SMAD2: variants seen among roughly 807,000 people sequenced by gnomAD.
The protein encoded by SMAD2 is MAD homolog 2.
Under a neutral mutation model 64.4 loss-of-function variants are expected in SMAD2, and 8 were observed. That is an observed-to-expected ratio of 0.12 (90% CI 0.07 to 0.22). The LOEUF (loss-of-function observed/expected upper bound fraction) is 0.22. Among genes scored for constraint, SMAD2 ranks in the 10% least tolerant of loss-of-function variants. SMAD2 has a pLI of 1.00. For missense variants in SMAD2, 289 were observed against 561.2 expected (o/e 0.51, Z 4.90); for synonymous variants, 203 against 195.8 (o/e 1.04, Z -0.31).
rs1421828249 is a variant in SMAD2 at position 47,839,070 on chromosome 18, T to C, written c.*2757A>G. 1.3e-5 allele frequency: 3 copies of C among 232,792 alleles called. No homozygotes were observed. The highest frequency in any genetic ancestry group is 2.5e-5 in the Non-Finnish European group (3 of 117,964). 14.4% of individuals were successfully genotyped at this position (232,792 alleles called of 1,614,324 possible). On this transcript the variant is annotated 3_prime_UTR_variant, in exon 11 of 11. Transcript: ENST00000262160. ...AGTAGATAAAATACAAAAAACATCATCTCGTTAAAAAGCATCAAACACATT... is the reference window on the plus strand; with the variant it reads ...AGTAGATAAAATACAAAAAACATCACCTCGTTAAAAAGCATCAAACACATT...
rs535518306 is a variant in SMAD2 at position 47,825,542 on chromosome 18, G to C, written c.*16285C>G. On this transcript the variant is annotated 3_prime_UTR_variant, in exon 11 of 11. Transcript: ENST00000262160. The stretch of plus-strand genomic sequence containing the variant: ...CAGCAAAGCCCTTGCCAAAAGCCAG[G>C]GCCATGCCCTTGAACTTCCCAGCCT... 1.3e-5 allele frequency: 2 copies of C among 152,962 alleles called. No individual in the cohort carries two copies. The highest frequency in any genetic ancestry group is 2.9e-5 in the Non-Finnish European group (2 of 68,680). The allele number at this position is 152,962 out of a possible 1,614,324, so 9.5% of individuals were successfully genotyped here.
intron 2 of SMAD2, among the ~76,000 whole-genome samples, chr18:47,880,797 G>A (rs1191734836): frequency 6.6e-6 from 1 of 152,080 alleles, no homozygotes; most frequent in Non-Finnish European, 1.5e-5. Flanking sequence ...AACTAACCTG[G>A]TTGCATTCAA....
chr18:47,813,814 G>T lies in SMAD2; in HGVS notation c.*28013C>A, dbSNP rs951851251. On this transcript the variant is annotated 3_prime_UTR_variant, in exon 11 of 11. Transcript: ENST00000262160. The stretch of plus-strand genomic sequence containing the variant: ...GATACATTTGGAAGTGCAGAGCAAA[G>T]GCCAGAGAGATATCCAAGCCAGAGA... 1 of 149,022 alleles carries T rather than the reference G, an allele frequency of 6.7e-6. No individual in the cohort carries two copies. The highest frequency in any genetic ancestry group is 1.5e-5 in the Non-Finnish European group (1 of 67,726). The allele number at this position is 149,022 out of a possible 1,614,324, so 9.2% of individuals were successfully genotyped here. A position where few individuals can be genotyped will look rare whatever the true frequency, so the allele number is the denominator to read the frequency against.
intron 4 of SMAD2, 48 bp downstream of exon 4, chr18:47,869,195 T>C (rs1488378135): frequency 7.2e-7 from 1 of 1,385,400 alleles, no homozygotes; most frequent in Non-Finnish European, 1.0e-6. Context: ...TATACTGAAG[T>C]TCAGGCATTT....
In SMAD2 at chr18:47,841,660, T is replaced by A; in HGVS notation, c.*167A>T. 2.8e-6 allele frequency: 2 copies of A among 702,644 alleles called. No individual in the cohort carries two copies. The highest frequency in any genetic ancestry group is 3.3e-5 in the South Asian group (2 of 59,968). The allele number at this position is 702,644 out of a possible 1,614,324, so 43.5% of individuals were successfully genotyped here. A position where few individuals can be genotyped will look rare whatever the true frequency, so the allele number is the denominator to read the frequency against. Reference sequence around the variant, plus strand: ...AGACACTAATTTTCCCATCTAATATTCAAATATAGGAAACAGATTCCACAA... The same window carrying A: ...AGACACTAATTTTCCCATCTAATATACAAATATAGGAAACAGATTCCACAA... On this transcript the variant is annotated 3_prime_UTR_variant, in exon 11 of 11. Transcript: ENST00000262160.
At chr18:47,887,526 T>C (rs1487439343) in intron 2 of SMAD2, among the ~76,000 whole-genome samples, 5 of 152,220 alleles carry the variant, frequency 3.3e-5, no homozygotes, top group African/African-American at 1.2e-4. Context: ...CAGGCTTGTC[T>C]GCTTGGATCA....
At position 47,820,896 on chromosome 18, in the gene SMAD2, TACACACAC is replaced by T. The variant is rs57448043; in HGVS notation, c.*20923_*20930del. 1,994 of 148,300 alleles carry T rather than the reference TACACACAC, an allele frequency of 0.013. 21 individuals carry two copies. The highest frequency in any genetic ancestry group is 0.037 in the African/African-American group (1,477 of 39,524). The allele number at this position is 148,300 out of a possible 1,614,324, so 9.2% of individuals were successfully genotyped here. ...TAGTGTAAATGCTATACATGCACTA[TACACACAC>T]ACACACACACACACACACACACACA... On this transcript the variant is annotated 3_prime_UTR_variant, in exon 11 of 11. Transcript: ENST00000262160.
rs1279163055 is a variant in SMAD2 at position 47,811,482 on chromosome 18, A to AG, written c.*30344_*30345insC. The AG allele has an allele frequency of 6.6e-6, 1 of 151,854 alleles. No individual in the cohort carries two copies. Among genetic ancestry groups the AG allele is most frequent in the Non-Finnish European group, 1.5e-5 (1 of 68,086 alleles). The allele number at this position is 151,854 out of a possible 1,614,324, so 9.4% of individuals were successfully genotyped here. A position where few individuals can be genotyped will look rare whatever the true frequency, so the allele number is the denominator to read the frequency against. Reference sequence around the variant, plus strand: ...GAGACCTCGTCTCAAAAAAAAAAAAAAAAAAAAGAAAAAGAAATAAGGTAA... The same window carrying AG: ...GAGACCTCGTCTCAAAAAAAAAAAAAGAAAAAAAGAAAAAGAAATAAGGTAA... On this transcript the variant is annotated 3_prime_UTR_variant, in exon 11 of 11. Transcript: ENST00000262160.
At chr18:47,845,925 T>C in intron 8 of SMAD2, 125 bp from the exon 9 acceptor site, 1 of 824,586 alleles carries the variant, frequency 1.2e-6, no homozygotes, top group East Asian at 2.6e-5. Context: ...TCACAGATAA[T>C]GTCTTTCTGA....
At chr18:47,924,213 A>T (rs76544142) in intron 1 of SMAD2, among the ~76,000 whole-genome samples, 2 of 144,230 alleles carry the variant, frequency 1.4e-5, no homozygotes, top group Non-Finnish European at 3.0e-5. Context: ...GCACCACTGC[A>T]CTCCAGCCTG....
At chr18:47,927,406 G>C (rs1228568551) in intron 1 of SMAD2, among the ~76,000 whole-genome samples, 1 of 152,162 alleles carries the variant, frequency 6.6e-6, no homozygotes, top group Non-Finnish European at 1.5e-5. Flanking sequence ...AGTAATGCAT[G>C]TGCCCTTGAT....
intron 1 of SMAD2, among the ~76,000 whole-genome samples, chr18:47,906,448 A>T (rs1031776162): frequency 2.0e-5 from 3 of 152,210 alleles, no homozygotes; most frequent in Non-Finnish European, 4.4e-5. Context: ...CATAAAAGAC[A>T]CAGGAGCACA....
intron 2 of SMAD2, among the ~76,000 whole-genome samples, chr18:47,876,926 C>T (rs1344617033): frequency 6.6e-6 from 1 of 151,998 alleles, no homozygotes; most frequent in Non-Finnish European, 1.5e-5. Context: ...TTATTCACAT[C>T]TTTGTTATGG....
At chr18:47,904,355 G>A (rs62088119) in intron 1 of SMAD2, among the ~76,000 whole-genome samples, 152 of 151,576 alleles carry the variant, frequency 1.0e-3, no homozygotes, top group African/African-American at 3.5e-3. Flanking sequence ...CAAAAGACAT[G>A]TGCTGCTGAG....
chr18:47,916,654 T>C (rs1486662094), intron 1 of SMAD2, among the ~76,000 whole-genome samples: 1 of 151,948 alleles, frequency 6.6e-6, no homozygotes, highest in Admixed American at 6.5e-5. Context: ...ATCGCCCACC[T>C]TGGCCTCCCA....
Position 47,845,389 on chromosome 18 carries a change from T to G in SMAD2, c.1231A>C (p.Met411Leu), listed in dbSNP as rs1914397825. 1 of 1,613,690 alleles carries G rather than the reference T, an allele frequency of 6.2e-7. No individual in the cohort carries two copies. Among genetic ancestry groups the G allele is most frequent in the Non-Finnish European group, 8.5e-7 (1 of 1,179,628 alleles). The change falls in exon 10 of 11, where the codon ATG becomes CTG. Residue 411 changes from methionine (M) to leucine (L), a missense_variant. Met to Leu is a conservative substitution (Grantham distance 15). Around this residue, in one of 6 missense-constraint regions of SMAD2, gnomAD observed 20 missense variants for 82.8 expected, o/e 0.24. Coordinates refer to ENST00000262160, the MANE Select transcript of SMAD2 (RefSeq NM_005901.6). The part of the protein sequence containing the change: ...GFEAVYQLTR[M>L]CTIRMSFVKG... The stretch of plus-strand genomic sequence containing the variant: ...ACAAAACTCATTCTTATGGTGCACA[T>G]TCTAGTTAGCTGATAGACGGCTTCA...
intron 2 of SMAD2, among the ~76,000 whole-genome samples, chr18:47,875,503 G>A (rs906766331): frequency 1.3e-5 from 2 of 152,054 alleles, no homozygotes; most frequent in Non-Finnish European, 2.9e-5. Flanking sequence ...AATAAAAAGT[G>A]TAAGTTATAA....
rs760660402 is a variant in SMAD2, at chr18:47,831,981, T to C, written c.*9846A>G. 4 of 152,182 alleles carry C rather than the reference T, an allele frequency of 2.6e-5. No homozygotes were observed. The highest frequency in any genetic ancestry group is 5.9e-5 in the Non-Finnish European group (4 of 68,030). The allele number at this position is 152,182 out of a possible 1,614,324, so 9.4% of individuals were successfully genotyped here. A position where few individuals can be genotyped will look rare whatever the true frequency, so the allele number is the denominator to read the frequency against. The stretch of plus-strand genomic sequence containing the variant: ...GCTGGATAACTGTATGTTGCAAACA[T>C]GTTCCTGAACATTCTTCACCCAAAC... On this transcript the variant is annotated 3_prime_UTR_variant, in exon 11 of 11. Coordinates refer to ENST00000262160, the MANE Select transcript of SMAD2 (RefSeq NM_005901.6).
Position 47,837,786 on chromosome 18 carries a change from G to A in SMAD2, c.*4041C>T, listed in dbSNP as rs771655698. 3.9e-5 allele frequency: 9 copies of A among 232,934 alleles called. No individual in the cohort carries two copies. The highest frequency in any genetic ancestry group is 6.8e-5 in the Non-Finnish European group (8 of 117,868). 14.4% of individuals were successfully genotyped at this position (232,934 alleles called of 1,614,324 possible). On this transcript the variant is annotated 3_prime_UTR_variant, in exon 11 of 11. Coordinates refer to ENST00000262160, the MANE Select transcript of SMAD2 (RefSeq NM_005901.6). ...AAAGTATTCATTGTTCATGTCCACA[G>A]ACTAGATATCTAAAGAGATACTTGG...
Sources: gnomAD v4.1 joint callset for allele counts (sites outside exome capture counted in the v4.1 genomes callset) on GRCh38, gnomAD v4.1.1 for gene constraint, gnomAD v4.1.1 regional missense constraint, MANE v1.5 for transcripts, NCBI Gene and HGNC (gene_info 2026-07-23, HGNC 2026-07-21) for gene names.